S100A16: variants seen among roughly 807,000 people sequenced by gnomAD.
The protein encoded by S100A16 is S100 calcium binding protein A16, also known as protein S100-A16.
In S100A16, 8 loss-of-function variants were observed where a neutral mutation model predicts 9.0. That is an observed-to-expected ratio of 0.89 (90% CI 0.52 to 1.60). The LOEUF (loss-of-function observed/expected upper bound fraction) is 1.60. Ranked by LOEUF, S100A16 falls within the 40% of genes most tolerant of loss-of-function variation. S100A16 has a pLI of 0.00. For synonymous variants in S100A16, 51 were observed against 51.4 expected, an observed-to-expected ratio of 0.99 and a Z score of 0.04; for missense variants, 138 against 132.4, an observed-to-expected ratio of 1.04 and a Z score of -0.21.
At chr1:153,609,963 T>G (rs1666798537) in intron 1 of S100A16, among the ~76,000 whole-genome samples, 2 of 152,174 alleles carry the variant, frequency 1.3e-5, no homozygotes, top group South Asian at 4.1e-4. Context: ...CCTCTGGTCC[T>G]TGGCTGGGAG....
intron 1 of S100A16, 142 bp from the exon 2 acceptor site, chr1:153,608,319 A>G: frequency 1.5e-6 from 1 of 675,290 alleles, no homozygotes; most frequent in South Asian, 1.9e-5. Context: ...AAAGGGGAAC[A>G]GAGTGGGTGG....
intron 1 of S100A16, among the ~76,000 whole-genome samples, chr1:153,610,341 G>T (rs185350359): frequency 6.6e-6 from 1 of 152,182 alleles, no homozygotes; most frequent in African/African-American, 2.4e-5. Context: ...TGTGGGAAAC[G>T]GTCAGGGAGA....
intron 1 of S100A16, among the ~76,000 whole-genome samples, chr1:153,609,823 G>T (rs899510596): frequency 6.6e-6 from 1 of 152,160 alleles, no homozygotes; most frequent in African/African-American, 2.4e-5. Context: ...AGCCTCTTCT[G>T]AAGGAAGGGT....
chr1:153,609,363 C>T, intron 1 of S100A16: 1 of 986,270 alleles, frequency 1.0e-6, no homozygotes, highest in South Asian at 4.7e-5. Flanking sequence ...GCTGCCCTGC[C>T]CTCTCCAGCC....
In S100A16 at chr1:153,608,194, G is replaced by T; in HGVS notation, c.-26-17C>A. 6.2e-7 allele frequency: 1 copy of T among 1,606,266 alleles called. No individual in the cohort carries two copies. On this transcript the variant is annotated splice_polypyrimidine_tract_variant and intron_variant, in intron 1 of 2. Coordinates refer to ENST00000368706, the MANE Select transcript of S100A16 (RefSeq NM_080388.3). ...TGGCGGGGCCTGGACACCAGGAGGA[G>T]GGGAGATGAGAAGAGACACCCACAG... is the stretch of plus-strand genomic sequence containing the variant.
At chr1:153,607,900 G>A (rs189775908) in intron 2 of S100A16, 99 bp downstream of exon 2, 8 of 1,317,924 alleles carry the variant, frequency 6.1e-6, no homozygotes, top group African/African-American at 2.9e-5. Flanking sequence ...GACACTGGAA[G>A]GATAGAGGCC....
intron 2 of S100A16, 91 bp downstream of exon 2, chr1:153,607,908 G>C (rs1666732833): frequency 7.4e-7 from 1 of 1,357,342 alleles, no homozygotes; most frequent in East Asian, 2.3e-5. Context: ...AAGGATAGAG[G>C]CCTCAGCAGG....
intron 1 of S100A16, among the ~76,000 whole-genome samples, chr1:153,611,925 A>T (rs865776449): frequency 1.9e-4 from 28 of 150,718 alleles, no homozygotes; most frequent in African/African-American, 6.6e-4. Context: ...TCTCACACAC[A>T]CACACACACA....
chr1:153,608,087 T>A lies in S100A16; in HGVS notation c.65A>T (p.Tyr22Phe). The stretch of plus-strand genomic sequence containing the variant: ...CTTGACCAGGCTGTACTTAGACACA[T>A]ATTTGTAGAAGTTTTCCACCAGGAC... ...VIVLVENFYK[Y>F]VSKYSLVKNK... The change falls in exon 2 of 3, where the codon TAT becomes TTT. Residue 22 changes from tyrosine (Y) to phenylalanine (F), a missense_variant. Physicochemically the swap from Tyr to Phe is conservative, Grantham distance 22. Transcript: ENST00000368706. 1 of 1,614,002 alleles carries A rather than the reference T, an allele frequency of 6.2e-7. No individual in the cohort carries two copies. The highest frequency in any genetic ancestry group is 1.1e-5 in the South Asian group (1 of 91,082).
chr1:153,608,240 A>T, intron 1 of S100A16, 63 bp from the exon 2 acceptor site: 2 of 1,432,128 alleles, frequency 1.4e-6, no homozygotes, highest in Non-Finnish European at 1.9e-6. Context: ...CTCCTCCTCC[A>T]CACCCACCCT....
At chr1:153,609,125 A>G in intron 1 of S100A16, 1 of 985,728 alleles carries the variant, frequency 1.0e-6, no homozygotes, top group Non-Finnish European at 1.2e-6. Context: ...CCCCAGGCAA[A>G]TCAGACTCCC....
intron 1 of S100A16, among the ~76,000 whole-genome samples, chr1:153,611,390 T>C: frequency 6.6e-6 from 1 of 151,932 alleles, no homozygotes; most frequent in Middle Eastern, 3.2e-3. Context: ...GAGTCTTAAG[T>C]TTTTTCCAAG....
At chr1:153,609,318 G>T in intron 1 of S100A16, 1 of 986,020 alleles carries the variant, frequency 1.0e-6, no homozygotes, top group Non-Finnish European at 1.2e-6. Flanking sequence ...CCTGCTTTCC[G>T]TTGGCCACTT....
chr1:153,607,163 A>G lies in S100A16; in HGVS notation c.*371T>C. 2.3e-6 allele frequency: 1 copy of G among 441,320 alleles called. No individual in the cohort carries two copies. Among genetic ancestry groups the G allele is most frequent in the Non-Finnish European group, 4.5e-6 (1 of 224,714 alleles). The allele number at this position is 441,320 out of a possible 1,614,324, so 27.3% of individuals were successfully genotyped here. A position where few individuals can be genotyped will look rare whatever the true frequency, so the allele number is the denominator to read the frequency against. ...TGCCACCAAGAGCAGGGAGACCTCA[A>G]GCACCAAGCTGACCTTTGGAGGTCA... On this transcript the variant is annotated 3_prime_UTR_variant, in exon 3 of 3. Transcript: ENST00000368706.
chr1:153,611,923 A>T lies in S100A16; in HGVS notation c.-27+1029T>A, dbSNP rs966555144. Among the ~76,000 whole-genome samples, 708 of 149,108 alleles carry T rather than the reference A, an allele frequency of 4.7e-3. 6 individuals carry two copies. Among genetic ancestry groups the T allele is most frequent in the African/African-American group, 0.017 (673 of 39,696 alleles). On this transcript the variant is annotated intron_variant, in intron 1 of 2. Transcript: ENST00000368706. ...AACTCTCTTTGTCTCTCTCTCACAC[A>T]CACACACACACACACACACACACAC...
rs147357546 is a variant in S100A16, at chr1:153,607,576, G to A, written c.270C>T (p.Ile90=). 2.4e-3 allele frequency: 3,875 copies of A among 1,614,210 alleles called. 59 individuals carry two copies. The South Asian group carries it at 0.027, about 11-fold the overall frequency. Residue 90 remains isoleucine (I), a synonymous_variant, in exon 3 of 3, where the codon ATC becomes ATT. Coordinates refer to ENST00000368706, the MANE Select transcript of S100A16 (RefSeq NM_080388.3). ...WTLIGGITGP[I]AKLIHEQEQQ... is the part of the protein sequence containing the mutation. ...GCTCCTGCTCATGGATGAGTTTGGC[G>A]ATGGGGCCGGTGATGCCGCCTATCA...
At chr1:153,609,936 C>T (rs1238714763) in intron 1 of S100A16, among the ~76,000 whole-genome samples, 3 of 152,208 alleles carry the variant, frequency 2.0e-5, no homozygotes, top group African/African-American at 7.2e-5. Flanking sequence ...TGTCTTCCCT[C>T]CTCCGCCTGC....
intron 1 of S100A16, chr1:153,609,026 G>A (rs1393222566): frequency 1.0e-6 from 1 of 985,640 alleles, no homozygotes; most frequent in East Asian, 1.1e-4. Flanking sequence ...AGCGGATACA[G>A]CCTTCTGAAT....
chr1:153,607,543 G>A lies in S100A16; in HGVS notation c.303C>T (p.Ser101=). ...AKLIHEQEQQ[S]SS ...GTGGCCAAAGGGGTCTCTAGCTGCT[G>A]CTCTGCTGCTCCTGCTCATGGATGA... The change falls in exon 3 of 3, where the codon AGC becomes AGT. Residue 101 remains serine (S), a synonymous_variant. Transcript: ENST00000368706. 1.2e-6 allele frequency: 2 copies of A among 1,614,180 alleles called. No individual in the cohort carries two copies. Among genetic ancestry groups the A allele is most frequent in the Non-Finnish European group, 1.7e-6 (2 of 1,180,016 alleles).
Sources: allele counts gnomAD v4.1 joint callset (sites outside exome capture counted in the v4.1 genomes callset), GRCh38; gene constraint gnomAD v4.1.1; transcripts MANE v1.5; gene names NCBI Gene and HGNC (gene_info 2026-07-23, HGNC 2026-07-21).